The following CPN1 variants were observed in gnomAD, a reference collection of about 807,000 sequenced individuals.
CPN1 encodes carboxypeptidase N subunit 1.
A neutral mutation model predicts 46.4 loss-of-function variants in CPN1; 37 were observed. The ratio of observed to expected loss-of-function variants is 0.80; its 90% CI spans 0.61 to 1.05. CPN1 has a LOEUF of 1.05. Ranked by LOEUF, CPN1 falls within the 50% of genes least tolerant of loss-of-function variation. The pLI, the probability that CPN1 is intolerant of heterozygous loss-of-function variation, is 0.00. For synonymous variants in CPN1, 224 were observed against 235.4 expected (o/e 0.95, Z 0.44); for missense variants, 563 against 602.6 (o/e 0.93, Z 0.69).
chr10:100,074,905 C>T (rs1236708552), intron 2 of CPN1, among the ~76,000 whole-genome samples: 5 of 152,136 alleles, frequency 3.3e-5, no homozygotes, highest in African/African-American at 7.2e-5. Flanking sequence ...TTTAAAGTTA[C>T]GCATATCGAT....
chr10:100,070,272 A>G (rs1398087245), intron 2 of CPN1, among the ~76,000 whole-genome samples: 1 of 151,834 alleles, frequency 6.6e-6, no homozygotes, highest in Non-Finnish European at 1.5e-5. Context: ...ACTTGAGGTC[A>G]GAAGTTCAAG....
intron 7 of CPN1, among the ~76,000 whole-genome samples, chr10:100,053,340 A>G (rs970198869): frequency 6.6e-6 from 1 of 152,162 alleles, no homozygotes; most frequent in African/African-American, 2.4e-5. Context: ...ACTTGCTAGT[A>G]TTAAGGTTGT....
At chr10:100,077,423 G>A (rs567856437) in intron 1 of CPN1, among the ~76,000 whole-genome samples, 87 of 152,054 alleles carry the variant, frequency 5.7e-4, no homozygotes, top group African/African-American at 2.1e-3. Context: ...TAGAGACAGG[G>A]TTTCACCATG....
chr10:100,080,233 A>G (rs188822187), intron 1 of CPN1, among the ~76,000 whole-genome samples: 2 of 152,278 alleles, frequency 1.3e-5, no homozygotes, highest in East Asian at 3.9e-4. Flanking sequence ...AGGAACTGGT[A>G]AGGAAAGAAG....
intron 2 of CPN1, among the ~76,000 whole-genome samples, chr10:100,072,998 C>A (rs1384746503): frequency 3.3e-5 from 5 of 152,200 alleles, no homozygotes; most frequent in African/African-American, 9.7e-5. Context: ...TGCCGGGAAG[C>A]TACAATCTCA....
intron 3 of CPN1, among the ~76,000 whole-genome samples, chr10:100,065,972 T>C (rs2041452771): frequency 6.6e-6 from 1 of 152,036 alleles, no homozygotes; most frequent in Non-Finnish European, 1.5e-5. Context: ...GTTTTGTTTT[T>C]TGAGACAGGA....
chr10:100,046,474 A>G (rs1000908432), intron 8 of CPN1, among the ~76,000 whole-genome samples: 2 of 152,262 alleles, frequency 1.3e-5, no homozygotes, highest in East Asian at 3.9e-4. Context: ...CGTCTCTACA[A>G]AAAATAACAA....
chr10:100,070,157 G>A (rs2041476331), intron 2 of CPN1, among the ~76,000 whole-genome samples: 1 of 151,600 alleles, frequency 6.6e-6, no homozygotes, highest in South Asian at 2.1e-4. Context: ...CAAACTCCTG[G>A]GCTCAAGTGA....
At position 100,069,774 on chromosome 10, in the gene CPN1, A is replaced by AC; in HGVS notation, c.515_516insG (p.Tyr172Ter). ...GGTTGGGGCCTCCGTACTTCTCGTT[A>AC]TAGTAGATATAGGTATTGAGATCAG... is the stretch of plus-strand genomic sequence containing the variant. ...NFPDLNTYIY[Y>*]NEKYGGPNHH... The change falls in exon 3 of 9, where the codon TAT becomes TAGT. Residue 172 changes from tyrosine to a stop codon, truncating the protein, a stop_gained and frameshift_variant. Transcript: ENST00000370418. LOFTEE classifies it high-confidence loss of function. 6.2e-7 allele frequency: 1 copy of AC among 1,613,824 alleles called. No homozygotes were observed. Among genetic ancestry groups the AC allele is most frequent in the South Asian group, 1.1e-5 (1 of 91,070 alleles).
At chr10:100,052,315 C>T (rs2041359826) in intron 7 of CPN1, among the ~76,000 whole-genome samples, 1 of 152,070 alleles carries the variant, frequency 6.6e-6, no homozygotes, top group Non-Finnish European at 1.5e-5. Context: ...AGGCAATCCC[C>T]CCACCTCGGC....
rs1476576042 is a variant in CPN1 at position 100,065,303 on chromosome 10, AGATTGGCT to A, written c.636_643del (p.Ala213ProfsTer12). 1.4e-5 allele frequency: 22 copies of A among 1,614,036 alleles called. No homozygotes were observed. Among genetic ancestry groups the A allele is most frequent in the Non-Finnish European group, 1.7e-5 (20 of 1,180,030 alleles). ...ATTGGCCACCACCGCCCCTCCGTGG[AGATTGGCT>A]GAAAGAACAAAGTTGAAGGAGTGCA... On this transcript the variant is annotated frameshift_variant, in exon 4 of 9. Transcript: ENST00000370418. LOFTEE classifies it high-confidence loss of function.
intron 4 of CPN1, among the ~76,000 whole-genome samples, chr10:100,064,625 T>C (rs980723590): frequency 2.0e-5 from 3 of 151,790 alleles, no homozygotes; most frequent in Non-Finnish European, 4.4e-5. Context: ...AGGCAATTCG[T>C]CTGCCTCGGC....
chr10:100,077,782 C>T (rs1007080176), intron 1 of CPN1, among the ~76,000 whole-genome samples: 1 of 151,768 alleles, frequency 6.6e-6, no homozygotes, highest in African/African-American at 2.4e-5. Context: ...GTTAAAATGT[C>T]TTTTCTGTTA....
At chr10:100,079,215 T>C (rs1318093426) in intron 1 of CPN1, among the ~76,000 whole-genome samples, 1 of 152,258 alleles carries the variant, frequency 6.6e-6, no homozygotes, top group Non-Finnish European at 1.5e-5. Context: ...ATTTACGTAG[T>C]TACCCATTTA....
chr10:100,075,470 C>T (rs1198304588), intron 2 of CPN1, among the ~76,000 whole-genome samples: 2 of 152,136 alleles, frequency 1.3e-5, no homozygotes, highest in African/African-American at 4.8e-5. Flanking sequence ...GCCTGTTGTC[C>T]TTGTTATTTT....
chr10:100,065,429 G>A, intron 3 of CPN1, 59 bp from the exon 4 acceptor site: 1 of 1,594,074 alleles, frequency 6.3e-7, no homozygotes, highest in Non-Finnish European at 8.6e-7. Context: ...AACAAACGGC[G>A]GTTAGAGTAA....
In CPN1 at chr10:100,076,032, G is replaced by C; in HGVS notation, c.299C>G (p.Ser100Trp). 1 of 1,614,158 alleles carries C rather than the reference G, an allele frequency of 6.2e-7. No individual in the cohort carries two copies. The highest frequency in any genetic ancestry group is 1.1e-5 in the South Asian group (1 of 91,082). ...ALGRELMLQLSEFLCEEFRNR... is the reference protein window; with the variant it reads ...ALGRELMLQLWEFLCEEFRNR... ...CCGGAACTCCTCGCACAGAAACTCC[G>C]ACAGCTGCAGCATCAGCTCGCGGCC... Residue 100 changes from serine (S) to tryptophan (W), a missense_variant, in exon 2 of 9, where the codon TCG becomes TGG. By Grantham distance (177) the Ser-to-Trp change is radical. Transcript: ENST00000370418.
At chr10:100,076,698 C>A (rs1393273880) in intron 1 of CPN1, among the ~76,000 whole-genome samples, 1 of 152,224 alleles carries the variant, frequency 6.6e-6, no homozygotes, top group Non-Finnish European at 1.5e-5. Context: ...CAGAGGTGAC[C>A]AGCTCCGCAG....
intron 1 of CPN1, among the ~76,000 whole-genome samples, chr10:100,078,591 T>C (rs1024855046): frequency 2.6e-5 from 4 of 152,226 alleles, no homozygotes; most frequent in African/African-American, 9.7e-5. Flanking sequence ...GTGATGTCTC[T>C]GTCACAGCTA....
Sources: gnomAD v4.1 joint callset for allele counts (sites outside exome capture counted in the v4.1 genomes callset) on GRCh38, gnomAD v4.1.1 for gene constraint, MANE v1.5 for transcripts, NCBI Gene and HGNC (gene_info 2026-07-23, HGNC 2026-07-21) for gene names.